CTNND2: variants seen among roughly 807,000 people sequenced by gnomAD.
The protein encoded by CTNND2 is catenin delta 2.
A neutral mutation model predicts 144.4 loss-of-function variants in CTNND2; 22 were observed. The ratio of observed to expected loss-of-function variants is 0.15; its 90% CI spans 0.11 to 0.22. The LOEUF is 0.22. Among genes scored for constraint, CTNND2 ranks in the 10% least tolerant of loss-of-function variants. CTNND2 has a pLI of 1.00. For missense variants in CTNND2, 1,353 were observed against 1,618.8 expected (o/e 0.84, Z 2.82); for synonymous variants, 751 against 695.6 (o/e 1.08, Z -1.25).
chr5:11,511,001 C>A (rs547921245), intron 3 of CTNND2, among the ~76,000 whole-genome samples: 10 of 151,902 alleles, frequency 6.6e-5, no homozygotes, highest in Middle Eastern at 3.5e-3. Flanking sequence ...GAAAGAGGTA[C>A]ATACAGCAAA....
In CTNND2 at chr5:11,638,013, A is replaced by G. The variant is rs891194501; in HGVS notation, c.175-72957T>C. Among the ~76,000 whole-genome samples, 8 of 152,330 alleles carry G rather than the reference A, an allele frequency of 5.3e-5. No homozygotes were observed. The East Asian group carries it at 5.8e-4, about 11-fold the overall frequency. On this transcript the variant is annotated intron_variant, in intron 2 of 21. Transcript: ENST00000304623. ...AAGTCTTTGATTTTAATGGGAAAAG[A>G]TAACAGCCTCTCTTTTTTCATCACG... is the stretch of plus-strand genomic sequence containing the variant.
At chr5:11,173,570 C>A (rs1760161409) in intron 11 of CTNND2, among the ~76,000 whole-genome samples, 1 of 152,104 alleles carries the variant, frequency 6.6e-6, no homozygotes, top group Non-Finnish European at 1.5e-5. Context: ...TCAATTTTAT[C>A]CACCAAGTGC....
At chr5:11,140,044 T>C (rs1756569234) in intron 12 of CTNND2, among the ~76,000 whole-genome samples, 1 of 152,210 alleles carries the variant, frequency 6.6e-6, no homozygotes, top group African/African-American at 2.4e-5. Context: ...TAATCCAGCA[T>C]AATCGCCCTA....
intron 1 of CTNND2, among the ~76,000 whole-genome samples, chr5:11,799,914 T>C (rs1791589992): frequency 6.6e-6 from 1 of 152,198 alleles, no homozygotes; most frequent in Non-Finnish European, 1.5e-5. Context: ...CCATGCATTT[T>C]CTACTACTCC....
chr5:11,368,886 G>C (rs1311974325), intron 7 of CTNND2, among the ~76,000 whole-genome samples: 1 of 152,198 alleles, frequency 6.6e-6, no homozygotes, highest in Non-Finnish European at 1.5e-5. Context: ...AGATGAGAGA[G>C]ACTATGTGTG....
chr5:11,367,132 C>T (rs1189524896), intron 7 of CTNND2, among the ~76,000 whole-genome samples: 2 of 152,158 alleles, frequency 1.3e-5, no homozygotes, highest in Non-Finnish European at 2.9e-5. Flanking sequence ...AATGCTTGTG[C>T]AAAATACAGT....
chr5:11,611,128 C>G (rs997120818), intron 2 of CTNND2, among the ~76,000 whole-genome samples: 1 of 152,092 alleles, frequency 6.6e-6, no homozygotes. Context: ...CTCATGAGAT[C>G]TGATGGTTTT....
intron 9 of CTNND2, among the ~76,000 whole-genome samples, chr5:11,246,948 G>A (rs1178083318): frequency 2.0e-5 from 3 of 152,166 alleles, no homozygotes; most frequent in African/African-American, 7.2e-5. Context: ...GGGCCCTGAT[G>A]TGTCCGACAT....
intron 2 of CTNND2, among the ~76,000 whole-genome samples, chr5:11,633,478 C>T (rs1781513445): frequency 6.6e-6 from 1 of 152,110 alleles, no homozygotes; most frequent in African/African-American, 2.4e-5. Context: ...TTAAATATCC[C>T]ATTTAAAATA....
intron 11 of CTNND2, among the ~76,000 whole-genome samples, chr5:11,171,948 TATTA>T (rs1335213752): frequency 6.6e-6 from 1 of 152,200 alleles, no homozygotes; most frequent in Non-Finnish European, 1.5e-5. Context: ...CCACCTAAAA[TATTA>T]ATTGAGTAAA....
In CTNND2 at chr5:11,903,423, C is replaced by G; in HGVS notation, c.37+394G>C. 1 of 1,018,576 alleles carries G rather than the reference C, an allele frequency of 9.8e-7. No homozygotes were observed. 63.1% of individuals were successfully genotyped at this position (1,018,576 alleles called of 1,614,324 possible). Reference sequence around the variant, plus strand: ...AAGGGCAAAAGACTGGAGGGAAGTCCTCCCCACCCCCACCCCGTCTCCTCC... The same window carrying G: ...AAGGGCAAAAGACTGGAGGGAAGTCGTCCCCACCCCCACCCCGTCTCCTCC... On this transcript the variant is annotated intron_variant, in intron 1 of 21. Transcript: ENST00000304623. The surrounding 1 kb of genome is among the most constrained non-coding windows in gnomAD (Gnocchi z 5.4).
At chr5:11,204,959 C>A (rs1737889114) in intron 10 of CTNND2, among the ~76,000 whole-genome samples, 1 of 152,096 alleles carries the variant, frequency 6.6e-6, no homozygotes, top group South Asian at 2.1e-4. Flanking sequence ...GAAGAGAAGA[C>A]AGAAAAGGTT....
intron 11 of CTNND2, among the ~76,000 whole-genome samples, chr5:11,188,644 T>C (rs1735906516): frequency 1.3e-5 from 2 of 152,110 alleles, no homozygotes; most frequent in South Asian, 4.1e-4. Flanking sequence ...AAACAAATAC[T>C]GTATATGGAA....
chr5:11,777,378 T>C (rs774794120), intron 1 of CTNND2, among the ~76,000 whole-genome samples: 1 of 152,262 alleles, frequency 6.6e-6, no homozygotes, highest in African/African-American at 2.4e-5. Context: ...TTCAGTCATA[T>C]CTACCTTAGT....
intron 1 of CTNND2, among the ~76,000 whole-genome samples, chr5:11,788,029 T>C (rs1471276951): frequency 1.3e-5 from 2 of 152,208 alleles, no homozygotes; most frequent in African/African-American, 4.8e-5. Flanking sequence ...TGATATTTCA[T>C]TGTTGAAATG....
intron 8 of CTNND2, among the ~76,000 whole-genome samples, chr5:11,357,501 G>A (rs1258885662): frequency 1.3e-5 from 2 of 152,102 alleles, no homozygotes; most frequent in African/African-American, 2.4e-5. Context: ...TAGAAGCAGA[G>A]AGTAGAATAG....
intron 1 of CTNND2, among the ~76,000 whole-genome samples, chr5:11,859,494 G>A (rs1470265307): frequency 3.3e-5 from 5 of 151,966 alleles, no homozygotes; most frequent in East Asian, 1.9e-4. Context: ...ACAAGTTCAT[G>A]TATCATCTGG....
At chr5:11,194,583 C>T (rs958464175) in intron 11 of CTNND2, among the ~76,000 whole-genome samples, 3 of 151,922 alleles carry the variant, frequency 2.0e-5, no homozygotes, top group Admixed American at 6.6e-5. Flanking sequence ...CAAGCTTCAC[C>T]GACATGCAGA....
At chr5:11,167,868 CTT>C (rs762392790) in intron 11 of CTNND2, among the ~76,000 whole-genome samples, 15 of 128,988 alleles carry the variant, frequency 1.2e-4, no homozygotes, top group Non-Finnish European at 8.4e-5. Context: ...CCATACCTGA[CTT>C]TTTTTTTTTT....
Sources: gnomAD v4.1 joint callset for allele counts (sites outside exome capture counted in the v4.1 genomes callset) on GRCh38, gnomAD v4.1.1 for gene constraint, Gnocchi (gnomAD v3.1) non-coding constraint, MANE v1.5 for transcripts, NCBI Gene and HGNC (gene_info 2026-07-23, HGNC 2026-07-21) for gene names.